Variants in IL18BP observed in about 807,000 individuals in gnomAD.
IL18BP encodes interleukin-18-binding protein.
A neutral mutation model predicts 19.9 loss-of-function variants in IL18BP; 23 were observed. That is an observed-to-expected ratio of 1.15 (90% CI 0.83 to 1.64). IL18BP has a LOEUF of 1.64. Ranked by LOEUF, IL18BP falls within the 40% of genes most tolerant of loss-of-function variation. IL18BP has a pLI of 0.00. For synonymous variants in IL18BP, 107 were observed against 101.0 expected (o/e 1.06, Z -0.35); for missense variants, 239 against 240.7 (o/e 0.99, Z 0.05).
downstream of IL18BP, chr11:72,004,613 G>GT (rs764620766): frequency 3.7e-6 from 6 of 1,606,348 alleles, no homozygotes; most frequent in Non-Finnish European, 4.2e-6. Context: ...CAGTGCTGGA[G>GT]TAACACCCAG....
chr11:72,004,636 C>T (rs1955554774), downstream of IL18BP: 2 of 1,611,648 alleles, frequency 1.2e-6, no homozygotes, highest in Middle Eastern at 2.1e-4. Flanking sequence ...GCCACCGCGC[C>T]TACCTCAGGA....
intron 1 of IL18BP, chr11:71,999,405 C>G (rs1294436492): frequency 1.6e-5 from 4 of 244,558 alleles, no homozygotes; most frequent in Non-Finnish European, 3.3e-5. Context: ...CCTAGGTGAC[C>G]CTGGGGGTGG....
downstream of IL18BP, among the ~76,000 whole-genome samples, chr11:72,006,581 T>G (rs1955729589): frequency 1.3e-5 from 2 of 152,166 alleles, no homozygotes; most frequent in African/African-American, 2.4e-5. Context: ...TAGCCCCAAA[T>G]CACACTGCTA....
At chr11:72,003,830 T>TG (rs1218944930), downstream of IL18BP, 7 of 1,571,670 alleles carry the variant, frequency 4.5e-6, no homozygotes, top group East Asian at 6.8e-5. Context: ...TGGGGCGGTC[T>TG]GGGGGGTGCC....
chr11:71,999,481 G>C (rs1490576024), intron 1 of IL18BP: 1 of 212,260 alleles, frequency 4.7e-6, no homozygotes, highest in Non-Finnish European at 9.7e-6. Flanking sequence ...GGAGCTGAAG[G>C]TTTCTGGCCA....
At chr11:72,004,144 C>T (rs751273255), downstream of IL18BP, 4 of 1,610,756 alleles carry the variant, frequency 2.5e-6, no homozygotes, top group East Asian at 8.9e-5. Flanking sequence ...TGCTGCCTTC[C>T]CAGGCCAGCG....
intron 2 of IL18BP, 76 bp from the exon 3 acceptor site, chr11:72,000,275 G>A (rs1955140661): frequency 7.6e-7 from 1 of 1,318,830 alleles, no homozygotes; most frequent in Admixed American, 1.7e-5. Flanking sequence ...AGACATCTCT[G>A]GGCTGGAGTT....
rs115537466 is a variant in IL18BP at position 72,001,852 on chromosome 11, G to T, written c.576G>T (p.Gln192His). 2,560 of 1,614,096 alleles carry T rather than the reference G, an allele frequency of 1.6e-3. 40 individuals carry two copies. In the African/African-American group the frequency reaches 0.03, roughly 19 times the overall value. ...ALPSSHSSPQ[Q>H]QG ...CCTCCAGCCACAGCAGTCCACAGCA[G>T]CAGGGTTAAGACTCAGCACAGGGCC... Residue 192 changes from glutamine (Q) to histidine (H), a missense_variant, in exon 6 of 6, where the codon CAG (glutamine) becomes CAT (histidine). Coordinates refer to ENST00000393703, the MANE Select transcript of IL18BP (RefSeq NM_001039660.2).
At chr11:72,005,845 C>T (rs1955648541), downstream of IL18BP, 2 of 599,396 alleles carry the variant, frequency 3.3e-6, no homozygotes, top group East Asian at 2.8e-5. Flanking sequence ...TAAGAGTGCC[C>T]CCAACACAGC....
downstream of IL18BP, chr11:72,007,904 G>A (rs1203962090): frequency 2.8e-6 from 1 of 353,224 alleles, no homozygotes; most frequent in South Asian, 2.2e-5. Context: ...TCCTTTCCCT[G>A]GTCTGCTTCA....
downstream of IL18BP, chr11:72,003,886 C>A: frequency 1.2e-6 from 2 of 1,613,560 alleles, no homozygotes; most frequent in African/African-American, 1.3e-5. Context: ...AGTGCCTCTA[C>A]CTTGCCCTTG....
At chr11:72,003,409 G>A, downstream of IL18BP, 1 of 989,260 alleles carries the variant, frequency 1.0e-6, no homozygotes, top group Non-Finnish European at 1.6e-6. Flanking sequence ...CTGTCTCTAG[G>A]GGTTTGGCTA....
At chr11:72,004,541 A>G, downstream of IL18BP, 1 of 1,305,626 alleles carries the variant, frequency 7.7e-7, no homozygotes, top group South Asian at 1.3e-5. Context: ...AGAGAGGGGG[A>G]AGTGAGGGAA....
downstream of IL18BP, chr11:72,005,987 C>T (rs754690701): frequency 6.2e-6 from 9 of 1,441,882 alleles, no homozygotes; most frequent in South Asian, 1.1e-4. Context: ...CCACGATCCA[C>T]CTTCCAGTCT....
downstream of IL18BP, chr11:72,003,944 G>A (rs114134799): frequency 8.0e-4 from 1,283 of 1,613,646 alleles, 3 homozygotes; most frequent in African/African-American, 0.015. Context: ...CGCTGGCTGT[G>A]GTGGTGGCAA....
At position 72,001,413 on chromosome 11, in the gene IL18BP, G is replaced by A. The variant is rs533526600; in HGVS notation, c.368G>A (p.Arg123His). The A allele has an allele frequency of 3.9e-5, 63 of 1,614,148 alleles. No homozygotes were observed. The highest frequency in any genetic ancestry group is 2.7e-4 in the African/African-American group (20 of 75,062). ...RLWEGSTSRE[R>H]GSTGTQLCKA... Reference sequence around the variant, plus strand: ...CTTCCCTTCCGCTCCAGCCGGGAACGTGGGAGCACAGGTACGCAGCTGTGC... The same window carrying A: ...CTTCCCTTCCGCTCCAGCCGGGAACATGGGAGCACAGGTACGCAGCTGTGC... Residue 123 changes from arginine (R) to histidine (H), a missense_variant, in exon 5 of 6, where the codon CGT becomes CAT. Arg to His is a conservative substitution (Grantham distance 29). Coordinates refer to ENST00000393703, the MANE Select transcript of IL18BP (RefSeq NM_001039660.2).
downstream of IL18BP, chr11:72,004,650 C>G (rs780069834): frequency 6.2e-7 from 1 of 1,612,612 alleles, no homozygotes; most frequent in Non-Finnish European, 8.5e-7. Flanking sequence ...CTCAGGAGTT[C>G]CAGGGCCCTG....
At chr11:72,007,006 T>C (rs1955766723), downstream of IL18BP, among the ~76,000 whole-genome samples, 1 of 152,230 alleles carries the variant, frequency 6.6e-6, no homozygotes, top group Admixed American at 6.5e-5. Context: ...ATCCTAGCCC[T>C]GCCTTTTTCT....
chr11:72,003,586 C>T (rs200152642), downstream of IL18BP: 23 of 1,612,602 alleles, frequency 1.4e-5, no homozygotes, highest in Non-Finnish European at 2.5e-6. Context: ...GCGATACTAG[C>T]CTGCACCCAC....
Sources: gnomAD v4.1 joint callset for allele counts (sites outside exome capture counted in the v4.1 genomes callset) on GRCh38, gnomAD v4.1.1 for gene constraint, MANE v1.5 for transcripts, NCBI Gene and HGNC (gene_info 2026-07-23, HGNC 2026-07-21) for gene names.